ARHGEF3: variants seen among roughly 807,000 people sequenced by gnomAD.
ARHGEF3 encodes the protein Rho guanine nucleotide exchange factor 3, also known as 59.8 kDA protein.
A neutral mutation model predicts 63.2 loss-of-function variants in ARHGEF3; 28 were observed. That is an observed-to-expected ratio of 0.44 (90% CI 0.33 to 0.61). The LOEUF (loss-of-function observed/expected upper bound fraction) is 0.61. Ranked by LOEUF, ARHGEF3 falls within the 20% of genes least tolerant of loss-of-function variation. The probability of loss-of-function intolerance (pLI) is 0.03; values close to 1 mark genes in which losing one functional copy is unlikely to be tolerated. For synonymous variants in ARHGEF3, 266 were observed against 254.2 expected, an observed-to-expected ratio of 1.05 and a Z score of -0.44; for missense variants, 533 against 659.3, an observed-to-expected ratio of 0.81 and a Z score of 2.10.
intron 4 of ARHGEF3, among the ~76,000 whole-genome samples, chr3:56,875,669 C>CT (rs1479199734): frequency 3.3e-5 from 5 of 152,172 alleles, no homozygotes; most frequent in East Asian, 1.9e-4. Flanking sequence ...CCCAAGCCCC[C>CT]TTTTTTTTGA....
intron 1 of ARHGEF3, among the ~76,000 whole-genome samples, chr3:57,069,248 A>T (rs961303100): frequency 3.3e-5 from 5 of 152,136 alleles, no homozygotes; most frequent in African/African-American, 1.2e-4. Context: ...AGACCTCAAA[A>T]CATATATTCT....
chr3:56,986,400 T>G lies in ARHGEF3; in HGVS notation c.63-27511A>C, dbSNP rs529851551. Among the ~76,000 whole-genome samples, 29 of 152,254 alleles carry G rather than the reference T, an allele frequency of 1.9e-4. 1 individual carries two copies. Among genetic ancestry groups the G allele is most frequent in the African/African-American group, 6.5e-4 (27 of 41,546 alleles). ...ATCTGAGTTTAACACATACAAAGTC[T>G]GGGGCCCCTGGGAGCTGTAGACAGA... On this transcript the variant is annotated intron_variant, in intron 2 of 12. Coordinates refer to the ARHGEF3 transcript ENST00000338458.
chr3:56,875,751 G>A (rs1223916963), intron 4 of ARHGEF3, among the ~76,000 whole-genome samples: 3 of 152,150 alleles, frequency 2.0e-5, no homozygotes, highest in Non-Finnish European at 2.9e-5. Context: ...GAAACTTCAA[G>A]CATACCTTCA....
chr3:56,748,585 T>C (rs2034544499), intron 6 of ARHGEF3, among the ~76,000 whole-genome samples: 2 of 151,538 alleles, frequency 1.3e-5, no homozygotes, highest in African/African-American at 4.8e-5. Flanking sequence ...GTACTCTGGC[T>C]CTTTCCTGGG....
Position 56,889,169 on chromosome 3 carries a change from G to A in ARHGEF3, c.130-6815C>T, listed in dbSNP as rs186387927. 1.2e-4 allele frequency among the ~76,000 whole-genome samples: 19 copies of A among 152,130 alleles called. No homozygotes were observed. In the South Asian group the frequency reaches 3.1e-3, roughly 25 times the overall value. On this transcript the variant is annotated intron_variant, in intron 3 of 12. Coordinates refer to the ARHGEF3 transcript ENST00000338458. The stretch of plus-strand genomic sequence containing the variant: ...CACTCTGTGGCTATCTCTTTTTAGG[G>A]TTGGCTACCTTCTGATATCACAAGG...
chr3:57,001,099 C>T (rs1702175278), intron 2 of ARHGEF3, among the ~76,000 whole-genome samples: 1 of 151,946 alleles, frequency 6.6e-6, no homozygotes, highest in Non-Finnish European at 1.5e-5. Context: ...ACCACAATGC[C>T]TGGCTAAATT....
At chr3:56,756,376 C>T (rs941321233) in intron 2 of ARHGEF3, among the ~76,000 whole-genome samples, 3 of 152,130 alleles carry the variant, frequency 2.0e-5, no homozygotes, top group African/African-American at 7.2e-5. Context: ...AATCTGACCA[C>T]AGTCTCCATA....
intron 1 of ARHGEF3, among the ~76,000 whole-genome samples, chr3:56,794,226 G>A (rs776455511): frequency 3.9e-5 from 6 of 152,094 alleles, no homozygotes; most frequent in Admixed American, 1.3e-4. Context: ...GGTGGCTCAC[G>A]CCTGTAATCC....
intron 1 of ARHGEF3, among the ~76,000 whole-genome samples, chr3:57,063,079 G>A (rs1189768132): frequency 1.3e-5 from 2 of 152,212 alleles, no homozygotes. Context: ...CGATGACCAG[G>A]GAAGGCTGAA....
In ARHGEF3 at chr3:57,002,147, G is replaced by A. The variant is rs993804091; in HGVS notation, c.62+32941C>T. The stretch of plus-strand genomic sequence containing the variant: ...ACCATGGTCTCGATCTCCTGACCTC[G>A]TGATCTGCCTGCCTCGGCCTCCCAA... On this transcript the variant is annotated intron_variant, in intron 2 of 12. Coordinates refer to the ARHGEF3 transcript ENST00000338458. Among the ~76,000 whole-genome samples, 7 of 151,450 alleles carry A rather than the reference G, an allele frequency of 4.6e-5. No homozygotes were observed. The East Asian group carries it at 9.7e-4, about 21-fold the overall frequency.
intron 4 of ARHGEF3, among the ~76,000 whole-genome samples, chr3:56,853,051 T>C (rs990581451): frequency 2.4e-4 from 37 of 152,312 alleles, no homozygotes; most frequent in African/African-American, 8.4e-4. Flanking sequence ...AACAGCAGAT[T>C]TTTAAACTTT....
At chr3:57,023,406 C>T (rs1248709419) in intron 2 of ARHGEF3, among the ~76,000 whole-genome samples, 1 of 152,216 alleles carries the variant, frequency 6.6e-6, no homozygotes, top group Non-Finnish European at 1.5e-5. Flanking sequence ...GGCTACAATA[C>T]CCCCAGCTGG....
intron 2 of ARHGEF3, among the ~76,000 whole-genome samples, chr3:57,020,489 C>A (rs1703211520): frequency 6.6e-6 from 1 of 152,226 alleles, no homozygotes. Flanking sequence ...AGGCTGACTC[C>A]ATCCTCCACC....
At chr3:56,978,544 A>G (rs1701208864) in intron 2 of ARHGEF3, among the ~76,000 whole-genome samples, 1 of 152,272 alleles carries the variant, frequency 6.6e-6, no homozygotes, top group Non-Finnish European at 1.5e-5. Flanking sequence ...CCAAATGGAA[A>G]TTTAAATAAG....
intron 3 of ARHGEF3, among the ~76,000 whole-genome samples, chr3:56,909,949 G>A (rs2041811405): frequency 6.6e-6 from 1 of 152,118 alleles, no homozygotes; most frequent in African/African-American, 2.4e-5. Flanking sequence ...GACATCATGT[G>A]TTTCTGCTTG....
At chr3:56,990,219 A>G (rs1459099101) in intron 2 of ARHGEF3, among the ~76,000 whole-genome samples, 2 of 152,234 alleles carry the variant, frequency 1.3e-5, no homozygotes, top group African/African-American at 4.8e-5. Context: ...TAGAAGAGGA[A>G]AGTCTTCTGG....
chr3:56,737,174 T>C lies in ARHGEF3; in HGVS notation c.1041+11A>G. The C allele has an allele frequency of 6.2e-7, 1 of 1,609,558 alleles. No individual in the cohort carries two copies. Among genetic ancestry groups the C allele is most frequent in the South Asian group, 1.1e-5 (1 of 90,702 alleles). On this transcript the variant is annotated intron_variant, in intron 8 of 9. Transcript: ENST00000296315. ...GGCGGATAAGACTGCTTAAAGGGAGTAACTACTTACCACGCCCCGATTGTT... is the reference window on the plus strand; with the variant it reads ...GGCGGATAAGACTGCTTAAAGGGAGCAACTACTTACCACGCCCCGATTGTT...
intron 2 of ARHGEF3, among the ~76,000 whole-genome samples, chr3:57,031,568 C>T (rs6779946): frequency 0.4 from 60,309 of 152,038 alleles, 12,806 homozygotes; most frequent in Non-Finnish European, 0.47. Context: ...CTCTCCCCCA[C>T]AGATGCCAGA....
intron 9 of ARHGEF3, chr3:56,731,881 C>G: frequency 5.0e-6 from 2 of 401,382 alleles, no homozygotes; most frequent in Non-Finnish European, 9.0e-6. Flanking sequence ...CCCACCATAA[C>G]GCAACTGGCA....
Sources: gnomAD v4.1 joint callset for allele counts (sites outside exome capture counted in the v4.1 genomes callset) on GRCh38, gnomAD v4.1.1 for gene constraint, MANE v1.5 for transcripts, NCBI Gene and HGNC (gene_info 2026-07-23, HGNC 2026-07-21) for gene names.